Variants in CRISP1 observed in about 807,000 individuals in gnomAD.
CRISP1 encodes cysteine-rich secretory protein 1.
In CRISP1, 44 loss-of-function variants were observed where a neutral mutation model predicts 33.1. The observed-to-expected ratio is 1.33, with a 90% CI of 1.05 to 1.71. CRISP1 has a LOEUF of 1.71. Ranked by LOEUF, CRISP1 falls within the 40% of genes most tolerant of loss-of-function variation. The probability of loss-of-function intolerance (pLI) is 0.00; values close to 1 mark genes in which losing one functional copy is unlikely to be tolerated. For missense variants in CRISP1, 390 were observed against 301.2 expected, an observed-to-expected ratio of 1.29 and a Z score of -2.18; for synonymous variants, 103 against 98.7, an observed-to-expected ratio of 1.04 and a Z score of -0.26.
At chr6:49,869,984 C>G (rs550140917), upstream of CRISP1, among the ~76,000 whole-genome samples, 5 of 152,272 alleles carry the variant, frequency 3.3e-5, no homozygotes, top group Admixed American at 1.3e-4. Flanking sequence ...AGGAACAGGT[C>G]CCTTCTCAGA....
intron 1 of CRISP1, among the ~76,000 whole-genome samples, chr6:49,875,661 A>C (rs887382750): frequency 3.3e-5 from 5 of 152,328 alleles, no homozygotes; most frequent in Admixed American, 1.3e-4. Flanking sequence ...CTACAAGGCT[A>C]CAGTAATCAA....
intron 7 of CRISP1, among the ~76,000 whole-genome samples, chr6:49,835,715 T>C (rs1362077916): frequency 6.6e-6 from 1 of 152,230 alleles, no homozygotes; most frequent in Non-Finnish European, 1.5e-5. Context: ...ATCATATTTT[T>C]AATTACACTG....
intron 1 of CRISP1, among the ~76,000 whole-genome samples, chr6:49,871,761 G>T (rs1329243874): frequency 6.6e-6 from 1 of 151,956 alleles, no homozygotes; most frequent in Non-Finnish European, 1.5e-5. Context: ...AGTATTCCAT[G>T]GTGTATATGT....
At chr6:49,842,014 T>C (rs946805566) in intron 5 of CRISP1, among the ~76,000 whole-genome samples, 1 of 152,178 alleles carries the variant, frequency 6.6e-6, no homozygotes, top group African/African-American at 2.4e-5. Context: ...CTAGAGACTT[T>C]CCTCACATTT....
chr6:49,868,093 C>T (rs551213842), upstream of CRISP1, among the ~76,000 whole-genome samples: 23 of 152,098 alleles, frequency 1.5e-4, no homozygotes, highest in Non-Finnish European at 2.8e-4. Context: ...CATTGCTCTA[C>T]CCAACACAAT....
intron 2 of CRISP1, among the ~76,000 whole-genome samples, chr6:49,852,334 A>G (rs1239702159): frequency 6.6e-6 from 1 of 152,162 alleles, no homozygotes; most frequent in Non-Finnish European, 1.5e-5. Flanking sequence ...CTGACATCAC[A>G]TTAGTCTTCA....
Position 49,849,020 on chromosome 6 carries a change from A to G in CRISP1, c.196-721T>C, listed in dbSNP as rs551932916. Among the ~76,000 whole-genome samples the G allele has an allele frequency of 1.1e-4, 16 of 152,280 alleles. No individual in the cohort carries two copies. The East Asian group carries it at 3.1e-3, about 29-fold the overall frequency. On this transcript the variant is annotated intron_variant, in intron 3 of 7. Transcript: ENST00000335847. ...ACAAAATAAGAATTTGAATCCACTT[A>G]GGATGGCTTCAGAGTATGTGTTCTT...
intron 6 of CRISP1, among the ~76,000 whole-genome samples, chr6:49,839,395 G>C (rs1301365349): frequency 6.6e-6 from 1 of 151,878 alleles, no homozygotes; most frequent in Non-Finnish European, 1.5e-5. Context: ...ATACTACAGG[G>C]AGCTATGTTG....
In CRISP1 at chr6:49,852,113, T is replaced by G; in HGVS notation, c.83A>C (p.Asp28Ala). The G allele has an allele frequency of 6.2e-7, 1 of 1,611,284 alleles. No homozygotes were observed. The highest frequency in any genetic ancestry group is 8.5e-7 in the Non-Finnish European group (1 of 1,179,054). The change falls in exon 3 of 8, where the codon GAC (aspartate) becomes GCC (alanine). Residue 28 changes from aspartate to alanine, a missense_variant. Physicochemically the swap from Asp to Ala is moderately radical, Grantham distance 126. Transcript: ENST00000335847. ...MLSMKKKSAR[D>A]QFNKLVTDLP... ...GTCGGTGACGAGCTTATTAAATTGG[T>G]CTCTAGCTGATTTCTTCTGTTACCA...
chr6:49,846,831 T>C (rs1472154683), intron 4 of CRISP1, among the ~76,000 whole-genome samples, 163 bp from the exon 5 acceptor site: 1 of 152,166 alleles, frequency 6.6e-6, no homozygotes, highest in Non-Finnish European at 1.5e-5. Context: ...TCTTTCTCAT[T>C]GATGAATGAG....
chr6:49,835,880 T>C (rs967390808), intron 7 of CRISP1, among the ~76,000 whole-genome samples: 5 of 152,170 alleles, frequency 3.3e-5, no homozygotes, highest in Non-Finnish European at 7.3e-5. Flanking sequence ...AAAGCACATA[T>C]AGGATGGCAT....
At chr6:49,865,011 G>A (rs1261596986) in intron 1 of CRISP1, among the ~76,000 whole-genome samples, 2 of 152,056 alleles carry the variant, frequency 1.3e-5, no homozygotes, top group Admixed American at 6.6e-5. Context: ...GAGTCATAAA[G>A]GCATTTTCTT....
At chr6:49,871,627 C>T (rs1253380332) in intron 1 of CRISP1, among the ~76,000 whole-genome samples, 1 of 143,768 alleles carries the variant, frequency 7.0e-6, no homozygotes, top group Non-Finnish European at 1.5e-5. Context: ...TCAATTCCCA[C>T]CTATGAGTGA....
At chr6:49,851,363 AC>A (rs1771340524) in intron 3 of CRISP1, among the ~76,000 whole-genome samples, 1 of 152,144 alleles carries the variant, frequency 6.6e-6, no homozygotes, top group South Asian at 2.1e-4. Flanking sequence ...GAGGGTAATC[AC>A]CTAAACACCT....
At chr6:49,873,398 T>C (rs1771969060) in intron 1 of CRISP1, among the ~76,000 whole-genome samples, 1 of 152,078 alleles carries the variant, frequency 6.6e-6, no homozygotes, top group Non-Finnish European at 1.5e-5. Context: ...TTAAATATTA[T>C]GAATCAATAT....
chr6:49,838,838 G>A (rs1034701216), intron 6 of CRISP1, among the ~76,000 whole-genome samples: 1 of 152,094 alleles, frequency 6.6e-6, no homozygotes, highest in African/African-American at 2.4e-5. Flanking sequence ...ACAAGCAAGA[G>A]GGCTTTAGAG....
In CRISP1 at chr6:49,838,331, T is replaced by A. The variant is rs926991863; in HGVS notation, c.622+106A>T. 1.1e-5 allele frequency: 9 copies of A among 799,316 alleles called. No individual in the cohort carries two copies. In the East Asian group the frequency reaches 2.0e-4, roughly 18 times the overall value. The allele number at this position is 799,316 out of a possible 1,614,324, so 49.5% of individuals were successfully genotyped here. A position where few individuals can be genotyped will look rare whatever the true frequency, so the allele number is the denominator to read the frequency against. ...AGAAATAATTTGTACATGAATGAGA[T>A]GAAAGTTGTAGAAAAGTGCGATGTT... is the stretch of plus-strand genomic sequence containing the variant. On this transcript the variant is annotated intron_variant, in intron 7 of 7. Transcript: ENST00000335847.
chr6:49,864,790 A>G (rs1411582782), intron 1 of CRISP1, among the ~76,000 whole-genome samples: 1 of 151,962 alleles, frequency 6.6e-6, no homozygotes, highest in African/African-American at 2.4e-5. Context: ...AATTCTTTAC[A>G]TGTTCTTGAT....
intron 1 of CRISP1, among the ~76,000 whole-genome samples, chr6:49,861,338 C>A (rs1238807320): frequency 6.6e-6 from 1 of 151,944 alleles, no homozygotes; most frequent in Non-Finnish European, 1.5e-5. Flanking sequence ...ATGCAAAGTT[C>A]CTTAAAAAAA....
Sources: allele counts gnomAD v4.1 joint callset (sites outside exome capture counted in the v4.1 genomes callset), GRCh38; gene constraint gnomAD v4.1.1; transcripts MANE v1.5; gene names NCBI Gene and HGNC (gene_info 2026-07-23, HGNC 2026-07-21).